Variants in UNC13C observed in about 807,000 individuals in gnomAD.
The protein encoded by UNC13C is unc-13 homolog C.
Under a neutral mutation model 245.4 loss-of-function variants are expected in UNC13C, and 174 were observed. The observed-to-expected ratio is 0.71, with a 90% CI of 0.63 to 0.80. UNC13C has a LOEUF of 0.80. UNC13C is among the 30% of genes least tolerant of loss of function. The pLI, the probability that UNC13C is intolerant of heterozygous loss-of-function variation, is 0.00. For missense variants in UNC13C, 2,829 were observed against 2,602.9 expected, an observed-to-expected ratio of 1.09 and a Z score of -1.89; for synonymous variants, 992 against 895.1, an observed-to-expected ratio of 1.11 and a Z score of -1.93.
At chr15:54,085,956 A>G (rs1899216258) in intron 2 of UNC13C, among the ~76,000 whole-genome samples, 2 of 152,340 alleles carry the variant, frequency 1.3e-5, no homozygotes, top group South Asian at 4.1e-4. Context: ...GTTGACATGT[A>G]ATATACATAT....
At chr15:53,932,325 AC>A in the UNC13C span, among the ~76,000 whole-genome samples, 2 of 151,480 alleles carry the variant, frequency 1.3e-5, no homozygotes, top group African/African-American at 4.8e-5. Context: ...AACAACAACA[AC>A]AACAACAACA....
chr15:54,262,714 A>T (rs2036458075), intron 8 of UNC13C, among the ~76,000 whole-genome samples: 1 of 151,968 alleles, frequency 6.6e-6, no homozygotes, highest in East Asian at 1.9e-4. Flanking sequence ...TTAGGTCCTC[A>T]AAGTTTAAAA....
At chr15:54,134,414 A>C (rs1405133367) in intron 2 of UNC13C, among the ~76,000 whole-genome samples, 1 of 125,992 alleles carries the variant, frequency 7.9e-6, no homozygotes, top group East Asian at 2.6e-4. Context: ...ATGGCTAAAT[A>C]ATCATCTGTG....
chr15:54,376,343 T>C (rs759034423), intron 17 of UNC13C, among the ~76,000 whole-genome samples: 1 of 151,510 alleles, frequency 6.6e-6, no homozygotes, highest in African/African-American at 2.4e-5. Flanking sequence ...CAAAAAGGGG[T>C]TTTAAGAAGA....
At chr15:54,361,575 T>A (rs765125556) in intron 17 of UNC13C, among the ~76,000 whole-genome samples, 1 of 152,340 alleles carries the variant, frequency 6.6e-6, no homozygotes, top group Non-Finnish European at 1.5e-5. Flanking sequence ...CTTGCATTGA[T>A]GTCTTCACAT....
chr15:54,005,321 C>A (rs1269897727), intron 1 of UNC13C, among the ~76,000 whole-genome samples: 1 of 152,088 alleles, frequency 6.6e-6, no homozygotes, highest in African/African-American at 2.4e-5. Context: ...AAGATTGGTC[C>A]TCCTGGGCAC....
At chr15:54,081,209 G>T (rs1457729735) in intron 2 of UNC13C, among the ~76,000 whole-genome samples, 1 of 151,908 alleles carries the variant, frequency 6.6e-6, no homozygotes, top group African/African-American at 2.4e-5. Flanking sequence ...AGTGAGATTT[G>T]CCTTATGACC....
At chr15:54,599,928 G>A (rs1899317251) in intron 30 of UNC13C, among the ~76,000 whole-genome samples, 1 of 152,088 alleles carries the variant, frequency 6.6e-6, no homozygotes, top group Non-Finnish European at 1.5e-5. Flanking sequence ...TAATTACCTA[G>A]GCACTTAAGT....
chr15:54,484,291 C>T (rs983776765), intron 19 of UNC13C, among the ~76,000 whole-genome samples: 2 of 152,124 alleles, frequency 1.3e-5, no homozygotes, highest in African/African-American at 4.8e-5. Flanking sequence ...GAAAATTTCC[C>T]CTAGGTCCTA....
the UNC13C span, among the ~76,000 whole-genome samples, chr15:53,844,503 C>T: frequency 2.0e-5 from 3 of 152,002 alleles, no homozygotes; most frequent in Non-Finnish European, 4.4e-5. Context: ...GTGATAAGGT[C>T]ATCTGTGTAT....
chr15:54,067,112 T>A lies in UNC13C; in HGVS notation c.2983+51226T>A, dbSNP rs187930271. Among the ~76,000 whole-genome samples, 18 of 152,232 alleles carry A rather than the reference T, an allele frequency of 1.2e-4. No individual in the cohort carries two copies. The East Asian group carries it at 3.5e-3, about 30-fold the overall frequency. On this transcript the variant is annotated intron_variant, in intron 2 of 32. Transcript: ENST00000260323. ...TTATTAAGGCAATAATTCTTCCCTA[T>A]ACTCCTGTTTGGTTCGATTTGATGA... is the stretch of plus-strand genomic sequence containing the variant.
intron 4 of UNC13C, among the ~76,000 whole-genome samples, chr15:54,162,924 T>C (rs958349313): frequency 6.6e-6 from 1 of 152,182 alleles, no homozygotes; most frequent in Non-Finnish European, 1.5e-5. Flanking sequence ...TTTGTTTTTT[T>C]AAACTATGTT....
At chr15:54,599,473 A>T (rs923939001) in intron 30 of UNC13C, among the ~76,000 whole-genome samples, 3 of 151,860 alleles carry the variant, frequency 2.0e-5, no homozygotes, top group African/African-American at 7.3e-5. Flanking sequence ...TTACATTTTT[A>T]TGCTATTTGT....
chr15:54,609,358 T>A (rs565561934), intron 30 of UNC13C: 1 of 152,236 alleles, frequency 6.6e-6, no homozygotes, highest in Non-Finnish European at 1.5e-5. Context: ...CTCACTCACA[T>A]GCTCACAAAT....
At chr15:54,312,082 T>C (rs984924843) in intron 13 of UNC13C, among the ~76,000 whole-genome samples, 4 of 151,828 alleles carry the variant, frequency 2.6e-5, no homozygotes, top group South Asian at 2.1e-4. Flanking sequence ...AAATATACAA[T>C]GTACATTTTT....
At chr15:54,044,791 G>A (rs1266769409) in intron 2 of UNC13C, among the ~76,000 whole-genome samples, 1 of 152,112 alleles carries the variant, frequency 6.6e-6, no homozygotes. Context: ...ATCATCTCGT[G>A]TAGCTGCTAG....
At chr15:54,209,734 T>C (rs1047601421) in intron 4 of UNC13C, among the ~76,000 whole-genome samples, 12 of 152,146 alleles carry the variant, frequency 7.9e-5, no homozygotes. Flanking sequence ...ATAAATGTTT[T>C]ATGTGTACAA....
intron 28 of UNC13C, among the ~76,000 whole-genome samples, chr15:54,550,836 A>G (rs1896702907): frequency 6.6e-6 from 1 of 152,162 alleles, no homozygotes; most frequent in Non-Finnish European, 1.5e-5. Flanking sequence ...CCTACTTTGA[A>G]AAGTGGATTT....
At chr15:54,478,600 T>C (rs1185645879) in intron 19 of UNC13C, among the ~76,000 whole-genome samples, 2 of 151,792 alleles carry the variant, frequency 1.3e-5, no homozygotes, top group Non-Finnish European at 1.5e-5. Context: ...GGTTGTTCAG[T>C]TTCCATGTAG....
Sources: allele counts gnomAD v4.1 joint callset (sites outside exome capture counted in the v4.1 genomes callset), GRCh38; gene constraint gnomAD v4.1.1; transcripts MANE v1.5; gene names NCBI Gene and HGNC (gene_info 2026-07-23, HGNC 2026-07-21).